The following CLPTM1 variants were observed in gnomAD, a reference collection of about 807,000 sequenced individuals.
CLPTM1 encodes putative lipid scramblase CLPTM1.
CLPTM1 carries 21 observed loss-of-function variants against 77.3 expected under a neutral mutation model. That is an observed-to-expected ratio of 0.27 (90% CI 0.19 to 0.39). The LOEUF (loss-of-function observed/expected upper bound fraction) is 0.39. Among genes scored for constraint, CLPTM1 ranks in the 10% least tolerant of loss-of-function variants. The pLI is 1.00. For missense variants in CLPTM1, 642 were observed against 921.2 expected (o/e 0.70, Z 3.92); for synonymous variants, 373 against 381.0 (o/e 0.98, Z 0.24).
chr19:44,956,442 A>G (rs1415806275), intron 1 of CLPTM1, among the ~76,000 whole-genome samples: 1 of 152,202 alleles, frequency 6.6e-6, no homozygotes, highest in East Asian at 1.9e-4. Context: ...GTTGGTGACA[A>G]AAGTCTGTGT....
intron 5 of CLPTM1, among the ~76,000 whole-genome samples, chr19:44,980,710 T>C (rs1347820346): frequency 1.3e-5 from 2 of 151,830 alleles, no homozygotes; most frequent in Non-Finnish European, 2.9e-5. Context: ...CCCAGCACTT[T>C]GGGAGGCCAA....
intron 9 of CLPTM1, among the ~76,000 whole-genome samples, chr19:44,988,904 CTGG>C (rs1342823365): frequency 6.6e-6 from 1 of 152,202 alleles, no homozygotes; most frequent in African/African-American, 2.4e-5. Flanking sequence ...TATTGCCGGC[CTGG>C]TGGTGGCTCT....
intron 4 of CLPTM1, among the ~76,000 whole-genome samples, chr19:44,976,574 G>T (rs1171130387): frequency 1.3e-5 from 2 of 152,218 alleles, no homozygotes; most frequent in Admixed American, 6.5e-5. Context: ...GAGAGGTTCA[G>T]TGCTCGCCTT....
chr19:44,987,181 G>A lies in CLPTM1; in HGVS notation c.796G>A (p.Val266Met), dbSNP rs1391095934. The change falls in exon 8 of 14, where the codon GTG becomes ATG. Residue 266 changes from valine (V) to methionine (M), a missense_variant and splice_region_variant. By Grantham distance (21) the Val-to-Met change is conservative (BLOSUM62 1). Transcript: ENST00000337392. ...GSVPPPLDQY[V>M]KFDAVSGDYY... ...TGCCCCTGCCCCACGTGCTGCAGATGTGAAGTTCGACGCCGTGAGCGGTGA... is the reference window on the plus strand; with the variant it reads ...TGCCCCTGCCCCACGTGCTGCAGATATGAAGTTCGACGCCGTGAGCGGTGA... The A allele has an allele frequency of 6.2e-7, 1 of 1,608,070 alleles. No homozygotes were observed. The highest frequency in any genetic ancestry group is 8.5e-7 in the Non-Finnish European group (1 of 1,175,336).
chr19:44,968,755 C>T (rs1191559832), intron 2 of CLPTM1, among the ~76,000 whole-genome samples: 2 of 152,150 alleles, frequency 1.3e-5, no homozygotes, highest in Non-Finnish European at 2.9e-5. Flanking sequence ...AAGCCAGGGG[C>T]AGAGCTGCCT....
chr19:44,992,559 C>G lies in CLPTM1; in HGVS notation c.1724-52C>G. ...TCACGCCCTCTCCACCCAGGCCCAC[C>G]TGGCTGTGGACGGGCCAGCCCGACC... On this transcript the variant is annotated intron_variant, in intron 13 of 13. Coordinates refer to ENST00000337392, the MANE Select transcript of CLPTM1 (RefSeq NM_001294.4). The surrounding 1 kb of genome is among the most constrained non-coding windows in gnomAD (Gnocchi z 7.7). 1 of 1,606,982 alleles carries G rather than the reference C, an allele frequency of 6.2e-7. No homozygotes were observed. Among genetic ancestry groups the G allele is most frequent in the Non-Finnish European group, 8.5e-7 (1 of 1,175,680 alleles).
intron 2 of CLPTM1, among the ~76,000 whole-genome samples, chr19:44,963,680 C>T (rs1016141689): frequency 2.0e-5 from 3 of 151,672 alleles, no homozygotes; most frequent in African/African-American, 4.8e-5. Flanking sequence ...AGTACAGTGG[C>T]GCGATCTCAG....
At position 44,991,099 on chromosome 19, in the gene CLPTM1, C is replaced by A; in HGVS notation, c.1420-139C>A. The A allele has an allele frequency of 7.0e-7, 1 of 1,429,768 alleles. No individual in the cohort carries two copies. The highest frequency in any genetic ancestry group is 9.6e-7 in the Non-Finnish European group (1 of 1,039,846). 88.6% of individuals were successfully genotyped at this position (1,429,768 alleles called of 1,614,324 possible). A position where few individuals can be genotyped will look rare whatever the true frequency, so the allele number is the denominator to read the frequency against. On this transcript the variant is annotated intron_variant, in intron 11 of 13. Coordinates refer to ENST00000337392, the MANE Select transcript of CLPTM1 (RefSeq NM_001294.4). This position sits in a 1 kb window ranked among gnomAD's most constrained non-coding sequence, Gnocchi z 5.4. ...CATCTGCCATAACTGCTTCCCTGGG[C>A]GAGTCCGGAGTCCCCAGGGCTACCT...
At position 44,991,238 on chromosome 19, in the gene CLPTM1, A is replaced by T. The variant is rs1355844187; in HGVS notation, c.1420A>T (p.Met474Leu). The change falls in exon 12 of 14, where the codon ATG (methionine) becomes TTG (leucine). Residue 474 changes from methionine to leucine, a missense_variant and splice_region_variant. Coordinates refer to ENST00000337392, the MANE Select transcript of CLPTM1 (RefSeq NM_001294.4). This position sits in a 1 kb window ranked among gnomAD's most constrained non-coding sequence, Gnocchi z 5.4. ...ACAGCCCCACCCTGTGGCCCCACAG[A>T]TGGCATTCCGGTACCTGTCCTGGAT... is the stretch of plus-strand genomic sequence containing the variant. ...IESSTKVYDD[M>L]AFRYLSWILF... The T allele has an allele frequency of 6.2e-7, 1 of 1,613,782 alleles. No homozygotes were observed. The highest frequency in any genetic ancestry group is 8.5e-7 in the Non-Finnish European group (1 of 1,179,896).
At chr19:44,986,823 CTG>C (rs1970986315) in intron 7 of CLPTM1, 5 of 546,732 alleles carry the variant, frequency 9.1e-6, no homozygotes, top group Non-Finnish European at 1.6e-5. Flanking sequence ...AGCCCACAAA[CTG>C]TTTTCAAAAA....
intron 3 of CLPTM1, among the ~76,000 whole-genome samples, chr19:44,973,415 T>A (rs891100763): frequency 3.3e-5 from 5 of 152,206 alleles, no homozygotes; most frequent in Non-Finnish European, 7.4e-5. Flanking sequence ...ACATAAAACC[T>A]GTGTCACCCA....
At chr19:44,987,983 T>A in intron 8 of CLPTM1, 97 bp from the exon 9 acceptor site, 1 of 882,688 alleles carries the variant, frequency 1.1e-6, no homozygotes, top group Non-Finnish European at 1.9e-6. Flanking sequence ...ACCTTCAGCC[T>A]CCCTCTACAG....
At chr19:44,986,685 C>A in intron 7 of CLPTM1, 110 bp downstream of exon 7, 8 of 1,385,446 alleles carry the variant, frequency 5.8e-6, no homozygotes, top group Non-Finnish European at 7.8e-6. Context: ...TTCCAGGGCT[C>A]CACCCTCCCA....
intron 5 of CLPTM1, chr19:44,984,420 C>T (rs1207765332): frequency 1.3e-5 from 2 of 152,278 alleles, no homozygotes; most frequent in Non-Finnish European, 2.9e-5. Flanking sequence ...TGCATAGGCT[C>T]ATTCAGTGGG....
chr19:44,975,367 G>A (rs146173103), intron 4 of CLPTM1, among the ~76,000 whole-genome samples: 1 of 152,336 alleles, frequency 6.6e-6, no homozygotes, highest in Non-Finnish European at 1.5e-5. Flanking sequence ...GGGGCTGGGT[G>A]CAGAATCAGC....
At chr19:44,962,612 C>A (rs1299411943) in intron 2 of CLPTM1, among the ~76,000 whole-genome samples, 1 of 152,076 alleles carries the variant, frequency 6.6e-6, no homozygotes, top group Non-Finnish European at 1.5e-5. Context: ...ACCATAATGA[C>A]CTCACTGAAC....
Position 44,989,100 on chromosome 19 carries a change from A to G in CLPTM1, c.1132+927A>G, listed in dbSNP as rs540191337. 2.6e-5 allele frequency among the ~76,000 whole-genome samples: 4 copies of G among 152,180 alleles called. No homozygotes were observed. The South Asian group carries it at 8.3e-4, about 32-fold the overall frequency. On this transcript the variant is annotated intron_variant, in intron 9 of 13. Coordinates refer to ENST00000337392, the MANE Select transcript of CLPTM1 (RefSeq NM_001294.4). The stretch of plus-strand genomic sequence containing the variant: ...CGGGAGGCTTGGGCCTGAAAGGTCA[A>G]GGCTGCCGTGAGCCATGATCACACC...
chr19:44,962,233 C>CT (rs1207347069), intron 2 of CLPTM1, among the ~76,000 whole-genome samples, 158 bp downstream of exon 2: 3 of 150,458 alleles, frequency 2.0e-5, no homozygotes, highest in African/African-American at 4.9e-5. Context: ...TTTTCTAAAC[C>CT]TTTTTTTTAC....
At chr19:44,988,304 C>T in intron 9 of CLPTM1, 131 bp downstream of exon 9, 1 of 706,336 alleles carries the variant, frequency 1.4e-6, no homozygotes, top group East Asian at 2.6e-5. Flanking sequence ...TCTCCAGAGG[C>T]CTAGTGAGCT....
Sources: gnomAD v4.1 joint callset for allele counts (sites outside exome capture counted in the v4.1 genomes callset) on GRCh38, gnomAD v4.1.1 for gene constraint, Gnocchi (gnomAD v3.1) non-coding constraint, MANE v1.5 for transcripts, NCBI Gene and HGNC (gene_info 2026-07-23, HGNC 2026-07-21) for gene names.